The following STRA6 variants were observed in gnomAD, a reference collection of about 807,000 sequenced individuals.
STRA6 encodes signaling receptor and transporter of retinol STRA6, also known as receptor for retinol uptake STRA6.
STRA6 carries 48 observed loss-of-function variants against 83.6 expected under a neutral mutation model. The ratio of observed to expected loss-of-function variants is 0.57; its 90% CI spans 0.46 to 0.73. STRA6 has a LOEUF of 0.73. Ranked by LOEUF, STRA6 falls within the 30% of genes least tolerant of loss-of-function variation. STRA6 has a pLI of 0.00. For missense variants in STRA6, 760 were observed against 838.8 expected (o/e 0.91, Z 1.16); for synonymous variants, 353 against 362.3 (o/e 0.97, Z 0.29).
chr15:74,197,660 G>C, intron 3 of STRA6, 92 bp downstream of exon 3: 1 of 1,512,480 alleles, frequency 6.6e-7, no homozygotes, highest in Non-Finnish European at 9.0e-7. Context: ...ATCTTCCAGG[G>C]CCCCCCTTCA....
rs1303600183 is a variant in STRA6 at position 74,202,162 on chromosome 15, G to A, written c.106C>T (p.Pro36Ser). ...GGGTGGTTCCACACTTACCCCTCTG[G>A]CTGGAGCTCCTCGCCCCCCTGGGGC... ...DEPQGGEELQ[P>S]EGEVPSCHTS... The change falls in exon 2 of 19, where the codon CCA (proline) becomes TCA (serine). Residue 36 changes from proline to serine, a missense_variant. Pro to Ser is a moderately conservative substitution (Grantham distance 74). Coordinates refer to ENST00000395105, the MANE Select transcript of STRA6 (RefSeq NM_022369.4). 1 of 1,504,342 alleles carries A rather than the reference G, an allele frequency of 6.6e-7. No individual in the cohort carries two copies. The highest frequency in any genetic ancestry group is 8.9e-7 in the Non-Finnish European group (1 of 1,128,776). The allele number at this position is 1,504,342 out of a possible 1,614,324, so 93.2% of individuals were successfully genotyped here. A position where few individuals can be genotyped will look rare whatever the true frequency, so the allele number is the denominator to read the frequency against.
Position 74,191,204 on chromosome 15 carries a change from G to A in STRA6, c.828C>T (p.Arg276=), listed in dbSNP as rs147577739. 151 of 1,613,434 alleles carry A rather than the reference G, an allele frequency of 9.4e-5. No homozygotes were observed. The African/African-American group carries it at 1.8e-3, about 20-fold the overall frequency. The change falls in exon 10 of 19, where the codon CGC becomes CGT. Residue 276 remains arginine (R), a synonymous_variant. Transcript: ENST00000395105. ...TGTAGATGCAGTGTCTCAAGCAGACGCGGGCCCAGGACAGGAAGCCATGCT... is the reference window on the plus strand; with the variant it reads ...TGTAGATGCAGTGTCTCAAGCAGACACGGGCCCAGGACAGGAAGCCATGCT... ...TSKHGFLSWA[R]VCLRHCIYTP...
chr15:74,208,607 G>T (rs1343819709), intron 1 of STRA6, among the ~76,000 whole-genome samples: 1 of 152,094 alleles, frequency 6.6e-6, no homozygotes, highest in Non-Finnish European at 1.5e-5. Context: ...TAGCCCCCCA[G>T]TGTCCCCTGA....
chr15:74,210,861 C>T (rs2074356929), upstream of STRA6, among the ~76,000 whole-genome samples: 2 of 152,200 alleles, frequency 1.3e-5, no homozygotes, highest in African/African-American at 2.4e-5. Flanking sequence ...TCTTTACCCC[C>T]TCCTCCTTCT....
chr15:74,209,709 C>T (rs1273121367), upstream of STRA6: 5 of 467,170 alleles, frequency 1.1e-5, no homozygotes, highest in Admixed American at 3.8e-5. Flanking sequence ...TGAGCACAGG[C>T]TCTCCCTACC....
At chr15:74,197,179 G>A (rs2073857230) in intron 4 of STRA6, among the ~76,000 whole-genome samples, 159 bp downstream of exon 4, 2 of 152,170 alleles carry the variant, frequency 1.3e-5, no homozygotes, top group South Asian at 4.1e-4. Context: ...ACTAAACCTG[G>A]AGACCTAGGT....
upstream of STRA6, among the ~76,000 whole-genome samples, chr15:74,203,536 T>C (rs1185405708): frequency 6.6e-6 from 1 of 152,238 alleles, no homozygotes; most frequent in Non-Finnish European, 1.5e-5. Flanking sequence ...GTCCTTCCAA[T>C]ACCCTACAAG....
In STRA6 at chr15:74,191,078, G is replaced by A. The variant is rs1180292325; in HGVS notation, c.865+89C>T. The stretch of plus-strand genomic sequence containing the variant: ...CCCTCTTGATGACAAGGATTCTGGG[G>A]AGCAGGAGCCAGTCCTCCACTGCAG... On this transcript the variant is annotated intron_variant, in intron 10 of 18. Coordinates refer to ENST00000395105, the MANE Select transcript of STRA6 (RefSeq NM_022369.4). 5 of 1,576,714 alleles carry A rather than the reference G, an allele frequency of 3.2e-6. No homozygotes were observed. In the East Asian group the frequency reaches 7.1e-5, roughly 22 times the overall value.
intron 11 of STRA6, among the ~76,000 whole-genome samples, chr15:74,189,899 T>C (rs1363621893): frequency 6.6e-6 from 1 of 152,130 alleles, no homozygotes; most frequent in Admixed American, 6.6e-5. Context: ...CTTGACATTG[T>C]GATCCGCCCG....
chr15:74,197,995 G>A (rs1033932450), intron 2 of STRA6, 177 bp from the exon 3 acceptor site: 37 of 686,772 alleles, frequency 5.4e-5, no homozygotes, highest in Non-Finnish European at 8.5e-5. Context: ...TGGGGCCCTC[G>A]TGTCCCTGTG....
Position 74,193,971 on chromosome 15 carries a change from G to T in STRA6, c.598-49C>A, listed in dbSNP as rs371894961. Reference sequence around the variant, plus strand: ...GACTACTTTCCACCTTCTTCCCCCAGCCAAGAACCAGAATCCGTTGCCCTT... The same window carrying T: ...GACTACTTTCCACCTTCTTCCCCCATCCAAGAACCAGAATCCGTTGCCCTT... On this transcript the variant is annotated intron_variant, in intron 7 of 18. Transcript: ENST00000395105. 54 of 1,605,190 alleles carry T rather than the reference G, an allele frequency of 3.4e-5. No homozygotes were observed. In the Middle Eastern group the frequency reaches 8.3e-4, roughly 25 times the overall value.
In STRA6 at chr15:74,195,959, C is replaced by CT. The variant is rs752905481; in HGVS notation, c.406+48dup. The CT allele has an allele frequency of 8.2e-5, 132 of 1,611,804 alleles. No homozygotes were observed. In the East Asian group the frequency reaches 2.0e-3, roughly 25 times the overall value. ...AAGCTTAAAACTCCGAGACCCCACC[C>CT]TACCCCATCCCATCACACCAACCCC... On this transcript the variant is annotated intron_variant, in intron 5 of 18. Coordinates refer to ENST00000395105, the MANE Select transcript of STRA6 (RefSeq NM_022369.4).
intron 5 of STRA6, 25 bp from the exon 6 acceptor site, chr15:74,195,700 A>G (rs755580806): frequency 5.7e-5 from 71 of 1,240,744 alleles, no homozygotes; most frequent in Non-Finnish European, 8.1e-5. Context: ...TAATCACAGT[A>G]TATTAGCAAG....
upstream of STRA6, chr15:74,207,697 C>T (rs1251105030): frequency 6.5e-7 from 1 of 1,535,702 alleles, no homozygotes; most frequent in Admixed American, 2.0e-5. Context: ...CTGTGCCCAC[C>T]TGTGCAGCCC....
intron 18 of STRA6, 52 bp downstream of exon 18, chr15:74,180,730 C>T: frequency 6.4e-7 from 1 of 1,562,016 alleles, no homozygotes; most frequent in South Asian, 1.2e-5. Flanking sequence ...CACATCCTTC[C>T]TAGAAGAAGC....
At chr15:74,192,716 T>G (rs536613761) in intron 8 of STRA6, among the ~76,000 whole-genome samples, 1 of 152,322 alleles carries the variant, frequency 6.6e-6, no homozygotes, top group African/African-American at 2.4e-5. Flanking sequence ...CTGCCCTGTC[T>G]GAAGAGAAGC....
intron 12 of STRA6, 30 bp downstream of exon 12, chr15:74,189,085 C>T: frequency 6.2e-7 from 1 of 1,613,156 alleles, no homozygotes; most frequent in Non-Finnish European, 8.5e-7. Flanking sequence ...TTCCCCACTG[C>T]AGCCCTCAGG....
At chr15:74,190,720 C>T (rs2073488043) in intron 11 of STRA6, 120 bp downstream of exon 11, 4 of 1,466,888 alleles carry the variant, frequency 2.7e-6, no homozygotes, top group Admixed American at 1.7e-5. Context: ...TGGCCTGCAG[C>T]ACCTGGTCAG....
intron 7 of STRA6, 149 bp from the exon 8 acceptor site, chr15:74,194,071 C>T: frequency 2.3e-6 from 3 of 1,318,174 alleles, no homozygotes; most frequent in Non-Finnish European, 2.1e-6. Flanking sequence ...CCCAACCTGC[C>T]ACCCAGCGCA....
Sources: gnomAD v4.1 joint callset for allele counts (sites outside exome capture counted in the v4.1 genomes callset) on GRCh38, gnomAD v4.1.1 for gene constraint, MANE v1.5 for transcripts, NCBI Gene and HGNC (gene_info 2026-07-23, HGNC 2026-07-21) for gene names.